SOX13: variants seen among roughly 807,000 people sequenced by gnomAD.
SOX13 encodes transcription factor SOX-13.
A neutral mutation model predicts 71.8 loss-of-function variants in SOX13; 28 were observed. That is an observed-to-expected ratio of 0.39 (90% CI 0.29 to 0.53). The LOEUF (loss-of-function observed/expected upper bound fraction) is 0.53, where lower values mean the gene tolerates loss of function less well. Ranked by LOEUF, SOX13 falls within the 20% of genes least tolerant of loss-of-function variation. The probability of loss-of-function intolerance (pLI) is 0.70; values close to 1 mark genes in which losing one functional copy is unlikely to be tolerated. For missense variants in SOX13, 627 were observed against 810.3 expected, an observed-to-expected ratio of 0.77 and a Z score of 2.75; for synonymous variants, 309 against 317.8, an observed-to-expected ratio of 0.97 and a Z score of 0.29.
At chr1:204,075,860 A>G (rs1280910596) in intron 1 of SOX13, among the ~76,000 whole-genome samples, 2 of 152,218 alleles carry the variant, frequency 1.3e-5, no homozygotes, top group Non-Finnish European at 2.9e-5. Context: ...CTAGGTAAAT[A>G]TGAGCTATTA....
At chr1:204,106,483 G>A (rs556626009) in intron 1 of SOX13, among the ~76,000 whole-genome samples, 2 of 151,810 alleles carry the variant, frequency 1.3e-5, no homozygotes, top group South Asian at 4.2e-4. Flanking sequence ...GCAGAAACAG[G>A]TATATTTTTG....
At chr1:204,082,683 G>A (rs1655933822) in intron 1 of SOX13, among the ~76,000 whole-genome samples, 1 of 152,170 alleles carries the variant, frequency 6.6e-6, no homozygotes, top group African/African-American at 2.4e-5. Flanking sequence ...GGCTTGTGGG[G>A]CAGGGAGAGG....
At position 204,125,924 on chromosome 1, in the gene SOX13, G is replaced by C; in HGVS notation, c.1659G>C (p.Pro553=). 6.2e-7 allele frequency: 1 copy of C among 1,613,468 alleles called. No homozygotes were observed. The highest frequency in any genetic ancestry group is 8.5e-7 in the Non-Finnish European group (1 of 1,179,768). Residue 553 remains proline, a synonymous_variant, in exon 14 of 14, where the codon CCG becomes CCC. Transcript: ENST00000367204. ...TGTACCCTCGGGCAGCAGGCATGCC[G>C]CTGGCACAGCCACTGGTGGAGCACT... ...DVLYPRAAGM[P]LAQPLVEHYV...
rs748228497 is a variant in SOX13 at position 204,113,005 on chromosome 1, A to C, written c.90A>C (p.Lys30Asn). 1 of 1,613,406 alleles carries C rather than the reference A, an allele frequency of 6.2e-7. No homozygotes were observed. Among genetic ancestry groups the C allele is most frequent in the Non-Finnish European group, 8.5e-7 (1 of 1,179,850 alleles). The change falls in exon 2 of 14, where the codon AAA becomes AAC. Residue 30 changes from lysine to asparagine, a missense_variant. Transcript: ENST00000367204. Reference sequence around the variant, plus strand: ...GCACCATCAAGTCAGAGGAGAAGAAAGAGCCTTGCCACGAGGCCCCCCAGG... The same window carrying C: ...GCACCATCAAGTCAGAGGAGAAGAACGAGCCTTGCCACGAGGCCCCCCAGG... Reference protein sequence around the residue: ...VNCTIKSEEKKEPCHEAPQGS... With the variant: ...VNCTIKSEEKNEPCHEAPQGS...
rs1305944561 is a variant in SOX13, at chr1:204,109,213, CCT to C, written c.-1-3701_-1-3700del. Among the ~76,000 whole-genome samples the C allele has an allele frequency of 5.9e-5, 9 of 152,282 alleles. No individual in the cohort carries two copies. In the East Asian group the frequency reaches 1.5e-3, roughly 26 times the overall value. The stretch of plus-strand genomic sequence containing the variant: ...TCATGGAGGCCCCTCTCTGCAGTGC[CCT>C]GTCTTGGGACCCAGCCTCTGGGGAA... On this transcript the variant is annotated intron_variant, in intron 1 of 13. Transcript: ENST00000367204.
chr1:204,110,798 C>A (rs1440244852), intron 1 of SOX13, among the ~76,000 whole-genome samples: 2 of 151,992 alleles, frequency 1.3e-5, no homozygotes, highest in Admixed American at 6.6e-5. Flanking sequence ...TATTTAAATA[C>A]CATACTGCAC....
chr1:204,117,089 TG>T, intron 5 of SOX13, 32 bp from the exon 6 acceptor site: 1 of 1,609,596 alleles, frequency 6.2e-7, no homozygotes, highest in African/African-American at 1.3e-5. Flanking sequence ...CTAATGTCCG[TG>T]ACCCCCTCTG....
intron 1 of SOX13, among the ~76,000 whole-genome samples, chr1:204,085,379 C>T (rs940934351): frequency 3.9e-5 from 6 of 152,106 alleles, no homozygotes; most frequent in African/African-American, 1.2e-4. Context: ...TAAAACTGCC[C>T]GACATATAGT....
In SOX13 at chr1:204,099,454, G is replaced by C. The variant is rs1308571468; in HGVS notation, c.-1-13461G>C. On this transcript the variant is annotated intron_variant, in intron 1 of 13. Transcript: ENST00000367204. ...TTTTTTTTTTTTTTTTTTTGAGACA[G>C]GGTCTCTGTAGCTCAGGCTGAAGTG... Among the ~76,000 whole-genome samples the C allele has an allele frequency of 6.4e-5, 8 of 125,684 alleles. 1 individual carries two copies. The South Asian group carries it at 1.5e-3, about 24-fold the overall frequency. 82.5% of individuals were successfully genotyped at this position (125,684 alleles called of 152,430 possible).
At chr1:204,122,811 G>A (rs1277788375) in intron 9 of SOX13, 43 bp from the exon 10 acceptor site, 2 of 1,277,444 alleles carry the variant, frequency 1.6e-6, no homozygotes, top group Non-Finnish European at 2.2e-6. Flanking sequence ...GATGCCCTCA[G>A]CTTCTCTCGC....
intron 1 of SOX13, among the ~76,000 whole-genome samples, chr1:204,098,018 C>G (rs1418186217): frequency 1.3e-5 from 2 of 152,164 alleles, no homozygotes; most frequent in African/African-American, 4.8e-5. Context: ...GCCACCACAC[C>G]TGGCTAATTT....
At chr1:204,112,772 C>T in intron 1 of SOX13, 143 bp from the exon 2 acceptor site, 1 of 607,634 alleles carries the variant, frequency 1.6e-6, no homozygotes, top group Non-Finnish European at 2.9e-6. Context: ...CACAAGTAAG[C>T]TTGCCCTTTC....
intron 1 of SOX13, among the ~76,000 whole-genome samples, chr1:204,096,877 C>G (rs1656263926): frequency 6.6e-6 from 1 of 151,954 alleles, no homozygotes; most frequent in Admixed American, 6.6e-5. Flanking sequence ...CTTCTTCTTT[C>G]TCCTTCTTTT....
In SOX13 at chr1:204,122,517, G is replaced by C. The variant is rs559299456; in HGVS notation, c.1024+118G>C. ...GGGTTCCAGATTTTATCAAATGAGG[G>C]GTTAGACTTGCTCTTAGCAGAAGAT... On this transcript the variant is annotated intron_variant, in intron 9 of 13. Transcript: ENST00000367204. The C allele has an allele frequency of 3.9e-6, 3 of 779,128 alleles. No homozygotes were observed. The Admixed American group carries it at 8.4e-5, about 22-fold the overall frequency. 48.3% of individuals were successfully genotyped at this position (779,128 alleles called of 1,614,324 possible). A position where few individuals can be genotyped will look rare whatever the true frequency, so the allele number is the denominator to read the frequency against.
intron 1 of SOX13, among the ~76,000 whole-genome samples, chr1:204,094,722 C>A (rs1656216242): frequency 6.6e-6 from 1 of 152,210 alleles, no homozygotes; most frequent in South Asian, 2.1e-4. Context: ...GGAGCACGGG[C>A]AGCTCCTGTA....
chr1:204,080,857 G>T lies in SOX13; in HGVS notation c.-2+7146G>T, dbSNP rs115979225. Among the ~76,000 whole-genome samples the T allele has an allele frequency of 1.9e-3, 286 of 151,624 alleles. 3 individuals carry two copies. The highest frequency in any genetic ancestry group is 6.6e-3 in the African/African-American group (273 of 41,298). On this transcript the variant is annotated intron_variant, in intron 1 of 13. Coordinates refer to ENST00000367204, the MANE Select transcript of SOX13 (RefSeq NM_005686.3). The stretch of plus-strand genomic sequence containing the variant: ...TAGAGAAAGTGCAGCAGGCAGAGCA[G>T]CTCCAACTCCAGCTTCTGTAGCTGG...
At chr1:204,108,880 TC>T (rs1379586539) in intron 1 of SOX13, among the ~76,000 whole-genome samples, 1 of 152,252 alleles carries the variant, frequency 6.6e-6, no homozygotes, top group Non-Finnish European at 1.5e-5. Flanking sequence ...TGTCTGAAGT[TC>T]CTGAGAGGAA....
chr1:204,123,556 C>T lies in SOX13; in HGVS notation c.1232-105C>T, dbSNP rs903847147. 5 of 1,287,734 alleles carry T rather than the reference C, an allele frequency of 3.9e-6. No individual in the cohort carries two copies. Among genetic ancestry groups the T allele is most frequent in the Admixed American group, 2.2e-5 (1 of 44,766 alleles). 79.8% of individuals were successfully genotyped at this position (1,287,734 alleles called of 1,614,324 possible). A position where few individuals can be genotyped will look rare whatever the true frequency, so the allele number is the denominator to read the frequency against. ...CTCGGCTGGCTGCTGTGGGAGCCTC[C>T]TCAGTGCCTCCTGCTGGTCAAGTAG... On this transcript the variant is annotated intron_variant, in intron 11 of 13. Coordinates refer to ENST00000367204, the MANE Select transcript of SOX13 (RefSeq NM_005686.3). This position sits in a 1 kb window ranked among gnomAD's most constrained non-coding sequence, Gnocchi z 5.0.
At chr1:204,080,394 G>C (rs1468817033) in intron 1 of SOX13, among the ~76,000 whole-genome samples, 1 of 152,144 alleles carries the variant, frequency 6.6e-6, no homozygotes, top group Non-Finnish European at 1.5e-5. Flanking sequence ...AGAGGAGAGA[G>C]GGGAAGGGGC....
Sources: allele counts gnomAD v4.1 joint callset (sites outside exome capture counted in the v4.1 genomes callset), GRCh38; gene constraint gnomAD v4.1.1; non-coding constraint Gnocchi (gnomAD v3.1); transcripts MANE v1.5; gene names NCBI Gene and HGNC (gene_info 2026-07-23, HGNC 2026-07-21).